MTHFD1: variants seen among roughly 807,000 people sequenced by gnomAD.
MTHFD1 encodes the protein methylenetetrahydrofolate dehydrogenase, cyclohydrolase and formyltetrahydrofolate synthetase 1, also known as C-1-tetrahydrofolate synthase, cytoplasmic.
A neutral mutation model predicts 110.3 loss-of-function variants in MTHFD1; 44 were observed. The observed-to-expected ratio is 0.40, with a 90% CI of 0.31 to 0.51. The LOEUF is 0.51. MTHFD1 is among the 20% of genes least tolerant of loss of function. MTHFD1 has a pLI of 0.60. For synonymous variants in MTHFD1, 402 were observed against 428.8 expected (o/e 0.94, Z 0.77); for missense variants, 909 against 1,173.1 (o/e 0.77, Z 3.29).
At chr14:64,433,578 C>T (rs1322871917) in intron 15 of MTHFD1, among the ~76,000 whole-genome samples, 1 of 152,036 alleles carries the variant, frequency 6.6e-6, no homozygotes, top group East Asian at 1.9e-4. Context: ...CCACCATGCC[C>T]AGATTTTTAT....
intron 25 of MTHFD1, 151 bp downstream of exon 25, chr14:64,454,012 G>A (rs1013679772): frequency 1.4e-6 from 1 of 690,426 alleles, no homozygotes; most frequent in Admixed American, 2.1e-5. Context: ...TTTGGATTAG[G>A]TGGCACAGTC....
intron 7 of MTHFD1, 56 bp from the exon 8 acceptor site, chr14:64,419,754 GTTTT>G: frequency 9.2e-7 from 1 of 1,088,896 alleles, no homozygotes; most frequent in Admixed American, 1.7e-5. Flanking sequence ...TCATTTCTGG[GTTTT>G]TTTTTGGTGT....
intron 2 of MTHFD1, among the ~76,000 whole-genome samples, chr14:64,407,346 T>A (rs55759626): frequency 2.2e-4 from 34 of 151,698 alleles, no homozygotes; most frequent in African/African-American, 7.7e-4. Flanking sequence ...TTGCCTGTAG[T>A]CCCCACTACT....
intron 27 of MTHFD1, 140 bp from the exon 28 acceptor site, chr14:64,459,619 C>T: frequency 1.4e-6 from 1 of 692,766 alleles, no homozygotes; most frequent in Non-Finnish European, 2.4e-6. Context: ...TGGACACGCC[C>T]TAGAAGAGCT....
chr14:64,406,490 GT>G (rs56712265), intron 2 of MTHFD1, among the ~76,000 whole-genome samples: 1,527 of 123,116 alleles, frequency 0.012, 3 homozygotes, highest in Middle Eastern at 0.038. Context: ...TTTATTTGTG[GT>G]TTTTTTTTTT....
chr14:64,445,086 G>A, intron 22 of MTHFD1: 5 of 365,054 alleles, frequency 1.4e-5, no homozygotes, highest in Non-Finnish European at 2.1e-5. Context: ...TAGAAACTGG[G>A]GATGCTGGCT....
chr14:64,456,206 GC>G (rs3842326), intron 26 of MTHFD1, among the ~76,000 whole-genome samples: 25,993 of 152,188 alleles, frequency 0.17, 2,568 homozygotes, highest in Non-Finnish European at 0.22. Context: ...GACACAGCCT[GC>G]CGAACTCAAG....
At chr14:64,397,961 C>T (rs745838868) in intron 1 of MTHFD1, among the ~76,000 whole-genome samples, 8 of 152,168 alleles carry the variant, frequency 5.3e-5, no homozygotes, top group East Asian at 1.9e-4. Flanking sequence ...TAACGGATTT[C>T]GGCAGGAATG....
rs775733207 is a variant in MTHFD1 at position 64,415,439 on chromosome 14, T to G, written c.322T>G (p.Ser108Ala). Residue 108 changes from serine to alanine, a missense_variant, in exon 5 of 28, where the codon TCC (serine) becomes GCC (alanine). By Grantham distance (99) the Ser-to-Ala change is moderately conservative. Transcript: ENST00000652337. ...GCAGCTACCTTTAGATTCAGAGAAT[T>G]CCATTAACACTGAAGAAGTGATCAA... ...LVQLPLDSEN[S>A]INTEEVINAI... 1.9e-6 allele frequency: 3 copies of G among 1,613,884 alleles called. No individual in the cohort carries two copies. The highest frequency in any genetic ancestry group is 2.2e-5 in the South Asian group (2 of 91,076).
intron 1 of MTHFD1, among the ~76,000 whole-genome samples, chr14:64,396,435 A>G (rs1228655989): frequency 2.3e-5 from 3 of 131,228 alleles, no homozygotes; most frequent in African/African-American, 8.8e-5. Context: ...CTTGTTGCCT[A>G]GGCTGGAGTG....
chr14:64,406,882 G>C (rs1294539192), intron 2 of MTHFD1, among the ~76,000 whole-genome samples: 1 of 152,126 alleles, frequency 6.6e-6, no homozygotes, highest in East Asian at 1.9e-4. Context: ...CGATGTAGGA[G>C]ATGTCCCCTT....
chr14:64,456,416 C>T (rs543751935), intron 26 of MTHFD1, among the ~76,000 whole-genome samples: 2 of 152,258 alleles, frequency 1.3e-5, no homozygotes, highest in Non-Finnish European at 2.9e-5. Flanking sequence ...AACTTTATAT[C>T]TAGGTTCATA....
intron 23 of MTHFD1, 45 bp downstream of exon 23, chr14:64,448,362 C>T (rs748103049): frequency 7.1e-7 from 1 of 1,401,904 alleles, no homozygotes; most frequent in Non-Finnish European, 1.0e-6. Flanking sequence ...GGAAAATCTC[C>T]TGGAGCTGAT....
rs182804100 is a variant in MTHFD1, at chr14:64,443,942, C to G, written c.2137-751C>G. Among the ~76,000 whole-genome samples, 328 of 152,322 alleles carry G rather than the reference C, an allele frequency of 2.2e-3. 1 individual carries two copies. The highest frequency in any genetic ancestry group is 2.0e-3 in the Non-Finnish European group (137 of 68,032). On this transcript the variant is annotated intron_variant, in intron 21 of 27. Coordinates refer to ENST00000652337, the MANE Select transcript of MTHFD1 (RefSeq NM_005956.4). ...CCTTGCTTCTTGCTCTGCCTCCACACAGCCCCTTCTGGAGTTGGAGCACAT... is the reference window on the plus strand; with the variant it reads ...CCTTGCTTCTTGCTCTGCCTCCACAGAGCCCCTTCTGGAGTTGGAGCACAT...
intron 7 of MTHFD1, among the ~76,000 whole-genome samples, chr14:64,419,456 A>T (rs2078052693): frequency 6.6e-6 from 1 of 152,176 alleles, no homozygotes; most frequent in Admixed American, 6.5e-5. Context: ...TTTCTCTTTT[A>T]ATCCTCCCAA....
At chr14:64,439,456 T>TG in intron 17 of MTHFD1, 1 of 479,072 alleles carries the variant, frequency 2.1e-6, no homozygotes, top group Non-Finnish European at 3.8e-6. Flanking sequence ...GCTTCTTTTT[T>TG]GTGGCCATTT....
At chr14:64,409,609 T>C (rs1198182629) in intron 2 of MTHFD1, among the ~76,000 whole-genome samples, 2 of 151,584 alleles carry the variant, frequency 1.3e-5, no homozygotes, top group African/African-American at 4.8e-5. Context: ...AGAACATACA[T>C]AGAAAGTGAC....
intron 1 of MTHFD1, among the ~76,000 whole-genome samples, chr14:64,395,991 C>T (rs1308694729): frequency 6.6e-5 from 10 of 152,110 alleles, no homozygotes; most frequent in Admixed American, 6.6e-4. Context: ...TTTCTTAGGG[C>T]TTTGAGTTAG....
intron 1 of MTHFD1, among the ~76,000 whole-genome samples, chr14:64,389,710 G>GAA (rs765314571): frequency 7.4e-6 from 1 of 135,636 alleles, no homozygotes; most frequent in Non-Finnish European, 1.6e-5. Context: ...CTCCGTCTAA[G>GAA]AAAAAAAAAA....
Sources: gnomAD v4.1 joint callset for allele counts (sites outside exome capture counted in the v4.1 genomes callset) on GRCh38, gnomAD v4.1.1 for gene constraint, MANE v1.5 for transcripts, NCBI Gene and HGNC (gene_info 2026-07-23, HGNC 2026-07-21) for gene names.